CRTC3: variants seen among roughly 807,000 people sequenced by gnomAD.
CRTC3 encodes CREB-regulated transcription coactivator 3.
CRTC3 carries 26 observed loss-of-function variants against 74.5 expected under a neutral mutation model. The observed-to-expected ratio is 0.35, with a 90% CI of 0.26 to 0.48. The LOEUF (loss-of-function observed/expected upper bound fraction) is 0.48. Among genes scored for constraint, CRTC3 ranks in the 20% least tolerant of loss-of-function variants. The probability of loss-of-function intolerance (pLI) is 0.99; values close to 1 mark genes in which losing one functional copy is unlikely to be tolerated. For synonymous variants in CRTC3, 377 were observed against 325.8 expected (o/e 1.16, Z -1.69); for missense variants, 760 against 787.3 (o/e 0.97, Z 0.41).
intron 2 of CRTC3, among the ~76,000 whole-genome samples, chr15:90,547,163 A>G (rs1048333921): frequency 1.3e-5 from 2 of 152,202 alleles, no homozygotes; most frequent in Non-Finnish European, 2.9e-5. Context: ...CGATATTTTC[A>G]TAAATGTATA....
At chr15:90,582,760 A>G (rs1385990241) in intron 2 of CRTC3, among the ~76,000 whole-genome samples, 2 of 152,188 alleles carry the variant, frequency 1.3e-5, no homozygotes, top group Admixed American at 6.5e-5. Flanking sequence ...ATTTAGAAAC[A>G]TTATGTAATT....
intron 2 of CRTC3, among the ~76,000 whole-genome samples, chr15:90,592,707 A>AG (rs1491531034): frequency 6.6e-6 from 1 of 152,150 alleles, no homozygotes; most frequent in Non-Finnish European, 1.5e-5. Context: ...TCTTTAACTC[A>AG]GGGGTTACAC....
chr15:90,532,142 G>A (rs987564255), intron 1 of CRTC3, among the ~76,000 whole-genome samples: 2 of 152,042 alleles, frequency 1.3e-5, no homozygotes, highest in African/African-American at 4.8e-5. Context: ...TATTAATTCT[G>A]CCCGTGTTTT....
chr15:90,608,730 C>T (rs1968290142), intron 6 of CRTC3, among the ~76,000 whole-genome samples: 1 of 152,178 alleles, frequency 6.6e-6, no homozygotes, highest in Admixed American at 6.5e-5. Flanking sequence ...ACAGAGGAGC[C>T]CGTACTGATG....
rs754143101 is a variant in CRTC3, at chr15:90,638,609, C to T, written c.1430C>T (p.Ser477Leu). The T allele has an allele frequency of 3.1e-6, 5 of 1,613,260 alleles. No individual in the cohort carries two copies. Among genetic ancestry groups the T allele is most frequent in the Admixed American group, 1.7e-5 (1 of 60,006 alleles). ...GCCCAGCAGCCCCAGGCAGCCTCCTCACTGCCACAGTCAGACTTTCAGCTT... is the reference window on the plus strand; with the variant it reads ...GCCCAGCAGCCCCAGGCAGCCTCCTTACTGCCACAGTCAGACTTTCAGCTT... ...APAQQPQAAS[S>L]LPQSDFQLLP... Residue 477 changes from serine to leucine, a missense_variant, in exon 12 of 15, where the codon TCA becomes TTA. Physicochemically the swap from Ser to Leu is moderately radical, Grantham distance 145 (BLOSUM62 -2). Coordinates refer to ENST00000268184, the MANE Select transcript of CRTC3 (RefSeq NM_022769.5).
intron 6 of CRTC3, among the ~76,000 whole-genome samples, chr15:90,609,212 G>C (rs1354420302): frequency 6.6e-6 from 1 of 152,192 alleles, no homozygotes; most frequent in East Asian, 1.9e-4. Flanking sequence ...GGAGCTTTCA[G>C]AATTGGTTAG....
intron 1 of CRTC3, among the ~76,000 whole-genome samples, chr15:90,536,603 G>A (rs1319312728): frequency 2.6e-5 from 4 of 152,086 alleles, no homozygotes; most frequent in African/African-American, 4.8e-5. Flanking sequence ...GATTGTAATC[G>A]TGTTGGCTAT....
chr15:90,544,522 T>A (rs984358359), intron 2 of CRTC3, among the ~76,000 whole-genome samples: 1 of 152,258 alleles, frequency 6.6e-6, no homozygotes, highest in African/African-American at 2.4e-5. Context: ...ATTCTATGGA[T>A]GTAGATAATT....
In CRTC3 at chr15:90,627,889, C is replaced by T. The variant is rs1401751665; in HGVS notation, c.968-1345C>T. On this transcript the variant is annotated intron_variant, in intron 10 of 14. Transcript: ENST00000268184. ...TCGGCCTCCCAAAGTGCCGGGATTA[C>T]AGGCGTGAGCCACGCCCAGCCGGCA... Among the ~76,000 whole-genome samples, 26 of 14,740 alleles carry T rather than the reference C, an allele frequency of 1.8e-3. No homozygotes were observed. In the South Asian group the frequency reaches 0.12, roughly 66 times the overall value. The allele number at this position is 14,740 out of a possible 152,430, so 9.7% of individuals were successfully genotyped here.
chr15:90,564,960 T>TCC (rs1967091137), intron 2 of CRTC3, among the ~76,000 whole-genome samples: 1 of 141,666 alleles, frequency 7.1e-6, no homozygotes, highest in East Asian at 2.1e-4. Context: ...CTTCCTTCCT[T>TCC]TCATGGAGTT....
intron 2 of CRTC3, among the ~76,000 whole-genome samples, chr15:90,579,664 CAG>C (rs1967491085): frequency 1.3e-5 from 1 of 77,252 alleles, no homozygotes; most frequent in Non-Finnish European, 2.2e-5. Flanking sequence ...TTTTTTGAGA[CAG>C]AGCCTTGTTC....
At chr15:90,533,343 C>A (rs1966663292) in intron 1 of CRTC3, among the ~76,000 whole-genome samples, 1 of 150,928 alleles carries the variant, frequency 6.6e-6, no homozygotes, top group African/African-American at 2.4e-5. Context: ...ATGGCGTGAA[C>A]CCGGAAGGCG....
chr15:90,620,651 C>T (rs1968620015), intron 9 of CRTC3, among the ~76,000 whole-genome samples: 1 of 152,118 alleles, frequency 6.6e-6, no homozygotes, highest in South Asian at 2.1e-4. Context: ...CCTGAGAGAG[C>T]CCCAAGGAGG....
At chr15:90,567,796 T>C (rs1456543335) in intron 2 of CRTC3, among the ~76,000 whole-genome samples, 2 of 152,246 alleles carry the variant, frequency 1.3e-5, no homozygotes, top group Admixed American at 6.5e-5. Flanking sequence ...TTTTTATGCC[T>C]TCTAACACAA....
intron 7 of CRTC3, 144 bp downstream of exon 7, chr15:90,614,632 C>A: frequency 3.5e-6 from 2 of 567,550 alleles, no homozygotes; most frequent in South Asian, 5.7e-5. Flanking sequence ...TTTCAGAGAG[C>A]CTCTAGAAAA....
Position 90,607,486 on chromosome 15 carries a change from A to C in CRTC3, c.577+8A>C, listed in dbSNP as rs1264885508. 6.6e-7 allele frequency: 1 copy of C among 1,505,664 alleles called. No homozygotes were observed. The highest frequency in any genetic ancestry group is 1.7e-5 in the Admixed American group (1 of 58,830). 93.3% of individuals were successfully genotyped at this position (1,505,664 alleles called of 1,614,324 possible). ...GGCCTGCCCCATACATGGGTAAGAC[A>C]CACAGGCCACTGCTGACAGCAGCTG... is the stretch of plus-strand genomic sequence containing the variant. On this transcript the variant is annotated splice_region_variant and intron_variant, in intron 6 of 14. Transcript: ENST00000268184.
chr15:90,531,517 C>T (rs1421222237), intron 1 of CRTC3, among the ~76,000 whole-genome samples: 1 of 152,152 alleles, frequency 6.6e-6, no homozygotes, highest in Non-Finnish European at 1.5e-5. Flanking sequence ...ATTTCCTGTA[C>T]TTACATTTCT....
At chr15:90,593,536 G>A in intron 2 of CRTC3, 100 bp from the exon 3 acceptor site, 1 of 1,418,228 alleles carries the variant, frequency 7.1e-7, no homozygotes, top group Admixed American at 1.8e-5. Flanking sequence ...AAGTAAAACT[G>A]TAAAATCGGT....
At chr15:90,601,055 A>G in intron 3 of CRTC3, among the ~76,000 whole-genome samples, 1 of 152,244 alleles carries the variant, frequency 6.6e-6, no homozygotes, top group East Asian at 1.9e-4. Flanking sequence ...TTACTAAGCC[A>G]GTAAGTTTTG....
Sources: gnomAD v4.1 joint callset for allele counts (sites outside exome capture counted in the v4.1 genomes callset) on GRCh38, gnomAD v4.1.1 for gene constraint, MANE v1.5 for transcripts, NCBI Gene and HGNC (gene_info 2026-07-23, HGNC 2026-07-21) for gene names.